The following SLC26A11 variants were observed in gnomAD, a reference collection of about 807,000 sequenced individuals.
SLC26A11 encodes the protein sodium-independent sulfate anion transporter.
In SLC26A11, 58 loss-of-function variants were observed where a neutral mutation model predicts 62.2. That is an observed-to-expected ratio of 0.93 (90% CI 0.76 to 1.16). SLC26A11 has a LOEUF of 1.16. Among genes scored for constraint, SLC26A11 ranks in the 50% most tolerant of loss-of-function variants. The pLI is 0.00. For missense variants in SLC26A11, 790 were observed against 794.3 expected (o/e 0.99, Z 0.06); for synonymous variants, 411 against 368.9 (o/e 1.11, Z -1.31).
Position 80,249,295 on chromosome 17 carries a change from T to G in SLC26A11, c.1656+8T>G. 5.0e-6 allele frequency: 8 copies of G among 1,609,202 alleles called. No homozygotes were observed. Among genetic ancestry groups the G allele is most frequent in the Non-Finnish European group, 6.8e-6 (8 of 1,179,944 alleles). ...GCCTTTGTGGGCCTGCAGGTGGGTG[T>G]GCACTGGGCTGCCTTAGGGGTTAGC... On this transcript the variant is annotated splice_region_variant and intron_variant, in intron 16 of 17. Coordinates refer to ENST00000361193, the MANE Select transcript of SLC26A11 (RefSeq NM_001166347.2).
Position 80,231,801 on chromosome 17 carries a change from G to A in SLC26A11, c.736+3841G>A, listed in dbSNP as rs192411837. Among the ~76,000 whole-genome samples, 335 of 152,278 alleles carry A rather than the reference G, an allele frequency of 2.2e-3. 3 individuals are homozygous for A. Among genetic ancestry groups the A allele is most frequent in the East Asian group, 2.9e-3 (15 of 5,188 alleles). Reference sequence around the variant, plus strand: ...TTTAGTTCCATTGTGATAAGAAAACGTACTTAGTGATTTAAATCTGTTTTC... The same window carrying A: ...TTTAGTTCCATTGTGATAAGAAAACATACTTAGTGATTTAAATCTGTTTTC... On this transcript the variant is annotated intron_variant, in intron 7 of 17. Transcript: ENST00000361193.
intron 10 of SLC26A11, among the ~76,000 whole-genome samples, chr17:80,243,813 A>C (rs1236767230): frequency 6.6e-6 from 1 of 152,162 alleles, no homozygotes; most frequent in African/African-American, 2.4e-5. Flanking sequence ...GGATTCCTTG[A>C]TCTCAGATAG....
intron 14 of SLC26A11, 37 bp from the exon 15 acceptor site, chr17:80,248,537 CG>C: frequency 6.5e-7 from 1 of 1,537,352 alleles, no homozygotes; most frequent in Non-Finnish European, 8.8e-7. Context: ...GGAGGCCACC[CG>C]GTCAGACCCG....
At chr17:80,234,482 G>GTT (rs1567954461) in intron 7 of SLC26A11, among the ~76,000 whole-genome samples, 1 of 151,484 alleles carries the variant, frequency 6.6e-6, no homozygotes, top group Non-Finnish European at 1.5e-5. Flanking sequence ...TTGTTTGTTT[G>GTT]TTTTTTGTTT....
At chr17:80,238,824 T>G (rs1307298897) in intron 9 of SLC26A11, among the ~76,000 whole-genome samples, 21 of 136,202 alleles carry the variant, frequency 1.5e-4, no homozygotes, top group South Asian at 2.4e-4. Flanking sequence ...TTTTTTGTTT[T>G]TTGTTTTTTT....
chr17:80,249,041 G>A, intron 15 of SLC26A11, 113 bp from the exon 16 acceptor site: 1 of 1,334,392 alleles, frequency 7.5e-7, no homozygotes, highest in Admixed American at 2.7e-5. Context: ...GCCACGAGAT[G>A]GAGCACTCTG....
rs373030126 is a variant in SLC26A11 at position 80,245,255 on chromosome 17, C to T, written c.1096C>T (p.Arg366Trp). 55 of 1,613,700 alleles carry T rather than the reference C, an allele frequency of 3.4e-5. No individual in the cohort carries two copies. Among genetic ancestry groups the T allele is most frequent in the Non-Finnish European group, 4.2e-5 (50 of 1,179,894 alleles). The change falls in exon 11 of 18, where the codon CGG (arginine) becomes TGG (tryptophan). Residue 366 changes from arginine to tryptophan, a missense_variant and splice_region_variant. Coordinates refer to ENST00000361193, the MANE Select transcript of SLC26A11 (RefSeq NM_001166347.2). ...CTACCCGGTCACAGGCAGCTTTGGA[C>T]GGTGAGTGACCTGTCCGCCTCTTCT... ...SSYPVTGSFG[R>W]TAVNAQSGVC...
Position 80,223,326 on chromosome 17 carries a change from G to A in SLC26A11, c.502G>A (p.Gly168Arg). The A allele has an allele frequency of 6.2e-7, 1 of 1,614,086 alleles. No individual in the cohort carries two copies. The highest frequency in any genetic ancestry group is 8.5e-7 in the Non-Finnish European group (1 of 1,180,000). The change falls in exon 5 of 18, where the codon GGA becomes AGA. Residue 168 changes from glycine (G) to arginine (R), a missense_variant. Physicochemically the swap from Gly to Arg is moderately radical, Grantham distance 125. Transcript: ENST00000361193. This position sits in a 1 kb window ranked among gnomAD's most constrained non-coding sequence, Gnocchi z 4.6. ...TSAAAVTIGF[G>R]QIKNLLGLQN... ...TGCTGCTGCCGTCACCATCGGCTTT[G>A]GACAGATCAAGGTAGGCACGGCGCC...
At chr17:80,242,064 C>T (rs2042880613) in intron 10 of SLC26A11, among the ~76,000 whole-genome samples, 1 of 152,230 alleles carries the variant, frequency 6.6e-6, no homozygotes, top group Non-Finnish European at 1.5e-5. Context: ...ACAACCTCTG[C>T]CTCCTGGGTT....
chr17:80,226,868 G>C (rs1714980914), intron 6 of SLC26A11, among the ~76,000 whole-genome samples: 1 of 152,204 alleles, frequency 6.6e-6, no homozygotes, highest in African/African-American at 2.4e-5. Context: ...CTGTGGCCTG[G>C]AGGGAGTGGG....
intron 10 of SLC26A11, among the ~76,000 whole-genome samples, chr17:80,244,673 C>G (rs905063783): frequency 8.5e-5 from 13 of 152,072 alleles, no homozygotes; most frequent in Admixed American, 7.2e-4. Context: ...AAAACCCTGT[C>G]TCTACTAAAA....
At chr17:80,240,515 TTTCTCGGCCGGG>T (rs2042831532) in intron 9 of SLC26A11, among the ~76,000 whole-genome samples, 1 of 151,504 alleles carries the variant, frequency 6.6e-6, no homozygotes, top group Non-Finnish European at 1.5e-5. Context: ...TTAAAATGTT[TTTCTCGGCCGGG>T]TGCAGTGGCT....
At position 80,222,685 on chromosome 17, in the gene SLC26A11, T is replaced by C; in HGVS notation, c.265T>C (p.Phe89Leu). The C allele has an allele frequency of 6.2e-7, 1 of 1,614,118 alleles. No homozygotes were observed. Among genetic ancestry groups the C allele is most frequent in the Non-Finnish European group, 8.5e-7 (1 of 1,180,032 alleles). The change falls in exon 4 of 18, where the codon TTC becomes CTC. Residue 89 changes from phenylalanine to leucine, a missense_variant. Coordinates refer to ENST00000361193, the MANE Select transcript of SLC26A11 (RefSeq NM_001166347.2). This position sits in a 1 kb window ranked among gnomAD's most constrained non-coding sequence, Gnocchi z 4.7. ...YGLYSAFMGC[F>L]VYFFLGTSRD... ...CCTCTACTCTGCCTTCATGGGCTGC[T>C]TCGTGTATTTCTTCCTGGGCACCTC...
intron 7 of SLC26A11, among the ~76,000 whole-genome samples, chr17:80,232,843 G>A (rs149191752): frequency 2.6e-5 from 4 of 152,024 alleles, no homozygotes; most frequent in East Asian, 3.9e-4. Context: ...TAGCTGTAAC[G>A]GCTATATTTA....
At chr17:80,244,740 G>T (rs1294162560) in intron 10 of SLC26A11, among the ~76,000 whole-genome samples, 1 of 152,096 alleles carries the variant, frequency 6.6e-6, no homozygotes, top group Non-Finnish European at 1.5e-5. Flanking sequence ...ACTTTGGGAG[G>T]TCGAAGCGGG....
At chr17:80,236,654 T>G in intron 7 of SLC26A11, 2 of 390,822 alleles carry the variant, frequency 5.1e-6, no homozygotes, top group Non-Finnish European at 9.4e-6. Context: ...TTTCAGAGAG[T>G]CTTTGCCGCG....
Position 80,222,687 on chromosome 17 carries a change from C to T in SLC26A11, c.267C>T (p.Phe89=), listed in dbSNP as rs770402677. 34 of 1,614,008 alleles carry T rather than the reference C, an allele frequency of 2.1e-5. No homozygotes were observed. The highest frequency in any genetic ancestry group is 8.3e-5 in the Admixed American group (5 of 59,986). The change falls in exon 4 of 18, where the codon TTC becomes TTT. Residue 89 remains phenylalanine, a synonymous_variant. Transcript: ENST00000361193. The surrounding 1 kb of genome is among the most constrained non-coding windows in gnomAD (Gnocchi z 4.7). ...YGLYSAFMGC[F]VYFFLGTSRD... The stretch of plus-strand genomic sequence containing the variant: ...TCTACTCTGCCTTCATGGGCTGCTT[C>T]GTGTATTTCTTCCTGGGCACCTCCC...
chr17:80,240,228 G>A (rs1361817247), intron 9 of SLC26A11, among the ~76,000 whole-genome samples: 13 of 152,038 alleles, frequency 8.6e-5, no homozygotes, highest in Middle Eastern at 3.2e-3. Flanking sequence ...TTAGCCAGGC[G>A]TGGTGGCGGG....
chr17:80,241,351 C>G (rs1350088143), intron 9 of SLC26A11, among the ~76,000 whole-genome samples: 1 of 152,148 alleles, frequency 6.6e-6, no homozygotes, highest in Admixed American at 6.5e-5. Context: ...CCTCAACCTC[C>G]TAGGCTCAAA....
Sources: allele counts gnomAD v4.1 joint callset (sites outside exome capture counted in the v4.1 genomes callset), GRCh38; gene constraint gnomAD v4.1.1; non-coding constraint Gnocchi (gnomAD v3.1); transcripts MANE v1.5; gene names NCBI Gene and HGNC (gene_info 2026-07-23, HGNC 2026-07-21).